The following TH variants were observed in gnomAD, a reference collection of about 807,000 sequenced individuals.
The protein encoded by TH is tyrosine 3-monooxygenase.
In TH, 49 loss-of-function variants were observed where a neutral mutation model predicts 57.4. The ratio of observed to expected loss-of-function variants is 0.85; its 90% CI spans 0.68 to 1.08. The LOEUF is 1.08. Among genes scored for constraint, TH ranks in the 50% least tolerant of loss-of-function variants. The pLI, the probability that TH is intolerant of heterozygous loss-of-function variation, is 0.00. For synonymous variants in TH, 330 were observed against 304.5 expected (o/e 1.08, Z -0.87); for missense variants, 720 against 696.7 (o/e 1.03, Z -0.38).
At position 2,166,548 on chromosome 11, in the gene TH, C is replaced by G; in HGVS notation, c.979G>C (p.Asp327His). The G allele has an allele frequency of 1.2e-6, 2 of 1,601,746 alleles. No homozygotes were observed. The highest frequency in any genetic ancestry group is 1.7e-6 in the Non-Finnish European group (2 of 1,176,380). ...ASSPMHSPEP[D>H]CCHELLGHVP... is the part of the protein sequence containing the mutation. ...TGCCCCAGCAGCTCGTGGCAGCAGT[C>G]CCTGCGCGTAGGAGGGAGAAGGGGG... is the stretch of plus-strand genomic sequence containing the variant. Residue 327 changes from aspartate to histidine, a missense_variant and splice_region_variant, in exon 9 of 13, where the codon GAC becomes CAC. Coordinates refer to ENST00000352909, the MANE Select transcript of TH (RefSeq NM_000360.4).
At position 2,164,360 on chromosome 11, in the gene TH, G is replaced by C. The variant is rs1846023607; in HGVS notation, c.1367C>G (p.Ser456Cys). 1 of 1,553,426 alleles carries C rather than the reference G, an allele frequency of 6.4e-7. No homozygotes were observed. The highest frequency in any genetic ancestry group is 8.7e-7 in the Non-Finnish European group (1 of 1,147,334). The change falls in exon 13 of 13, where the codon TCC becomes TGC. Residue 456 changes from serine to cysteine, a missense_variant. Ser to Cys is a moderately radical substitution (Grantham distance 112, BLOSUM62 -1). Transcript: ENST00000352909. ...SYASRIQRPF[S>C]VKFDPYTLAI... ...CAGCGTGTACGGGTCGAACTTCACGGAGAAGGGGCGCTGGATGCGTGAGGC... is the reference window on the plus strand; with the variant it reads ...CAGCGTGTACGGGTCGAACTTCACGCAGAAGGGGCGCTGGATGCGTGAGGC...
chr11:2,169,931 C>T (rs1846208535), intron 1 of TH, 60 bp from the exon 2 acceptor site: 2 of 1,514,804 alleles, frequency 1.3e-6, no homozygotes, highest in East Asian at 2.4e-5. Flanking sequence ...GACCTCCACC[C>T]ACAGCTGGTC....
Position 2,165,105 on chromosome 11 carries a change from A to G in TH, c.1334+127T>C, listed in dbSNP as rs2070762. On this transcript the variant is annotated intron_variant, in intron 12 of 12. Transcript: ENST00000352909. ...TCCCTGCTGTGTGGGGGCTGCTGCAACCAGGGGTCGGTTTTCTCATCTGTG... is the reference window on the plus strand; with the variant it reads ...TCCCTGCTGTGTGGGGGCTGCTGCAGCCAGGGGTCGGTTTTCTCATCTGTG... 0.49 allele frequency: 695,916 copies of G among 1,423,550 alleles called. 174,285 individuals are homozygous for G. Among genetic ancestry groups the G allele is most frequent in the Admixed American group, 0.63 (36,526 of 57,784 alleles). 88.2% of individuals were successfully genotyped at this position (1,423,550 alleles called of 1,614,324 possible).
In TH at chr11:2,167,066, C is replaced by T. The variant is rs747795715; in HGVS notation, c.696-34G>A. 7.0e-6 allele frequency: 11 copies of T among 1,560,872 alleles called. No homozygotes were observed. The East Asian group carries it at 9.6e-5, about 14-fold the overall frequency. On this transcript the variant is annotated intron_variant, in intron 6 of 12. Transcript: ENST00000352909. ...AGCCAGGCTCAGGGCCCTCTAATGC[C>T]CCACCCCAGTGCCCGAAACCCCCCT...
Position 2,164,366 on chromosome 11 carries a change from G to A in TH, c.1361C>T (p.Pro454Leu). 6.4e-7 allele frequency: 1 copy of A among 1,551,696 alleles called. No homozygotes were observed. The highest frequency in any genetic ancestry group is 8.7e-7 in the Non-Finnish European group (1 of 1,146,656). Residue 454 changes from proline to leucine, a missense_variant, in exon 13 of 13, where the codon CCC (proline) becomes CTC (leucine). Pro to Leu is a moderately conservative substitution (Grantham distance 98, BLOSUM62 -3). Coordinates refer to ENST00000352909, the MANE Select transcript of TH (RefSeq NM_000360.4). ...GTACGGGTCGAACTTCACGGAGAAGGGGCGCTGGATGCGTGAGGCATAGCT... is the reference window on the plus strand; with the variant it reads ...GTACGGGTCGAACTTCACGGAGAAGAGGCGCTGGATGCGTGAGGCATAGCT... ...LRSYASRIQR[P>L]FSVKFDPYTL... is the part of the protein sequence containing the mutation.
In TH at chr11:2,166,467, G is replaced by T; in HGVS notation, c.1047+13C>A. Reference sequence around the variant, plus strand: ...CCTGGGTGACCCCGGCTCCCTCCGAGGCCGCGGCGTACCTGCGAGAACTGC... The same window carrying T: ...CCTGGGTGACCCCGGCTCCCTCCGATGCCGCGGCGTACCTGCGAGAACTGC... On this transcript the variant is annotated intron_variant, in intron 9 of 12. Transcript: ENST00000352909. 2 of 1,570,012 alleles carry T rather than the reference G, an allele frequency of 1.3e-6. No homozygotes were observed. Among genetic ancestry groups the T allele is most frequent in the Non-Finnish European group, 1.7e-6 (2 of 1,166,176 alleles).
Position 2,169,985 on chromosome 11 carries a change from G to A in TH, c.91-114C>T. 1.9e-5 allele frequency: 22 copies of A among 1,143,026 alleles called. 1 individual carries two copies. In the South Asian group the frequency reaches 2.9e-4, roughly 15 times the overall value. The allele number at this position is 1,143,026 out of a possible 1,614,324, so 70.8% of individuals were successfully genotyped here. ...GATGGCACACAGAGGCAGGGGATGA[G>A]AGCACGTTTTTGAGCGCCTACTGTG... On this transcript the variant is annotated intron_variant, in intron 1 of 12. Transcript: ENST00000352909.
At chr11:2,165,890 G>C (rs1700052610) in intron 10 of TH, 112 bp downstream of exon 10, 1 of 1,493,482 alleles carries the variant, frequency 6.7e-7, no homozygotes, top group Non-Finnish European at 9.1e-7. Flanking sequence ...CAGGGTGAGG[G>C]TCACAATTCG....
intron 11 of TH, 102 bp downstream of exon 11, chr11:2,165,566 G>C: frequency 1.5e-6 from 2 of 1,363,524 alleles, no homozygotes; most frequent in Non-Finnish European, 2.1e-6. Flanking sequence ...GAGTCCTGGA[G>C]GTCCAGGCCT....
At position 2,165,285 on chromosome 11, in the gene TH, G is replaced by A; in HGVS notation, c.1281C>T (p.Tyr427=). The A allele has an allele frequency of 6.2e-7, 1 of 1,612,878 alleles. No homozygotes were observed. Among genetic ancestry groups the A allele is most frequent in the Non-Finnish European group, 8.5e-7 (1 of 1,180,006 alleles). ...TCTCAGACACGAAGTAGACTGACTG[G>A]TACGTCTGGTCTTGGTAGGGCTGCA... ...AAVQPYQDQT[Y]QSVYFVSESF... is the part of the protein sequence containing the mutation. Residue 427 remains tyrosine (Y), a synonymous_variant, in exon 12 of 13, where the codon TAC becomes TAT. Transcript: ENST00000352909.
At chr11:2,167,405 C>T in intron 6 of TH, 30 bp downstream of exon 6, 2 of 1,553,364 alleles carry the variant, frequency 1.3e-6, no homozygotes, top group South Asian at 1.2e-5. Flanking sequence ...CCGGGCTCCT[C>T]CCCAGCCCCT....
rs1339552126 is a variant in TH, at chr11:2,164,318, T to A, written c.1409A>T (p.Asp470Val). Reference sequence around the variant, plus strand: ...GGAGCGCCGCACGGCCTGGGGGCTGTCCAGCACGTCGATGGCCAGCGTGTA... The same window carrying A: ...GGAGCGCCGCACGGCCTGGGGGCTGACCAGCACGTCGATGGCCAGCGTGTA... ...DPYTLAIDVL[D>V]SPQAVRRSLE... Residue 470 changes from aspartate to valine, a missense_variant, in exon 13 of 13, where the codon GAC becomes GTC. Coordinates refer to ENST00000352909, the MANE Select transcript of TH (RefSeq NM_000360.4). 6.5e-7 allele frequency: 1 copy of A among 1,541,552 alleles called. No homozygotes were observed. The highest frequency in any genetic ancestry group is 1.2e-5 in the South Asian group (1 of 81,734).
chr11:2,167,753 G>T, intron 5 of TH, 113 bp downstream of exon 5: 1 of 1,307,348 alleles, frequency 7.6e-7, no homozygotes, highest in Non-Finnish European at 1.1e-6. Context: ...CTGGCAGGAG[G>T]CACTGATGCT....
rs1276611673 is a variant in TH, at chr11:2,165,372, G to A, written c.1201-7C>T. 1 of 1,608,338 alleles carries A rather than the reference G, an allele frequency of 6.2e-7. No homozygotes were observed. Among genetic ancestry groups the A allele is most frequent in the African/African-American group, 1.3e-5 (1 of 74,908 alleles). On this transcript the variant is annotated splice_region_variant and splice_polypyrimidine_tract_variant and intron_variant, in intron 11 of 12. Transcript: ENST00000352909. ...GCTCCTCAGACAGGCAGTGCTGGCA[G>A]GAGGCCAATGGCATCACTGACTCCA...
rs573129039 is a variant in TH at position 2,165,714 on chromosome 11, A to G, written c.1154T>C (p.Val385Ala). 3 of 1,612,308 alleles carry G rather than the reference A, an allele frequency of 1.9e-6. No homozygotes were observed. The highest frequency in any genetic ancestry group is 2.5e-6 in the Non-Finnish European group (3 of 1,179,856). The change falls in exon 11 of 13, where the codon GTG becomes GCG. Residue 385 changes from valine (V) to alanine (A), a missense_variant. Transcript: ENST00000352909. Reference protein sequence around the residue: ...EFGLCKQNGEVKAYGAGLLSS... With the variant: ...EFGLCKQNGEAKAYGAGLLSS... ...CAGCAGCCCGGCACCATAGGCCTTC[A>G]CCTCCCCGTTCTGCTTACACAGCCC...
Position 2,171,574 on chromosome 11 carries a change from C to A in TH, c.90+123G>T. 9.3e-7 allele frequency: 1 copy of A among 1,073,386 alleles called. No homozygotes were observed. Among genetic ancestry groups the A allele is most frequent in the East Asian group, 2.5e-5 (1 of 39,546 alleles). The allele number at this position is 1,073,386 out of a possible 1,614,324, so 66.5% of individuals were successfully genotyped here. On this transcript the variant is annotated intron_variant, in intron 1 of 12. Transcript: ENST00000352909. The surrounding 1 kb of genome is among the most constrained non-coding windows in gnomAD (Gnocchi z 8.6). ...CAGGCCTCCACATCCACGCCGCGTCCCAGGGGTTTGCATGGACCCTGAGCC... is the reference window on the plus strand; with the variant it reads ...CAGGCCTCCACATCCACGCCGCGTCACAGGGGTTTGCATGGACCCTGAGCC...
Position 2,166,464 on chromosome 11 carries a change from C to T in TH, c.1047+16G>A, listed in dbSNP as rs372706117. The T allele has an allele frequency of 1.8e-4, 281 of 1,565,824 alleles. 4 individuals carry two copies. The African/African-American group carries it at 3.1e-3, about 17-fold the overall frequency. ...GCCCCTGGGTGACCCCGGCTCCCTC[C>T]GAGGCCGCGGCGTACCTGCGAGAAC... On this transcript the variant is annotated intron_variant, in intron 9 of 12. Transcript: ENST00000352909.
chr11:2,166,808 G>A (rs1195124495), intron 7 of TH, 40 bp from the exon 8 acceptor site: 4 of 1,550,262 alleles, frequency 2.6e-6, no homozygotes, highest in Admixed American at 3.9e-5. Context: ...GCCGGGACGG[G>A]CTGGAGCCGC....
In TH at chr11:2,169,769, C is replaced by A; in HGVS notation, c.193G>T (p.Gly65Trp). The A allele has an allele frequency of 6.2e-7, 1 of 1,611,928 alleles. No homozygotes were observed. Among genetic ancestry groups the A allele is most frequent in the Non-Finnish European group, 8.5e-7 (1 of 1,179,568 alleles). Residue 65 changes from glycine to tryptophan, a missense_variant, in exon 2 of 13, where the codon GGG (glycine) becomes TGG (tryptophan). Coordinates refer to ENST00000352909, the MANE Select transcript of TH (RefSeq NM_000360.4). ...AAAAAVPSEP[G>W]DPLEAVAFEE... Reference sequence around the variant, plus strand: ...AAGGCCACAGCCTCCAGGGGGTCCCCGGGCTCCGAGGGGACTGCAGCGGCC... The same window carrying A: ...AAGGCCACAGCCTCCAGGGGGTCCCAGGGCTCCGAGGGGACTGCAGCGGCC...
Sources: gnomAD v4.1 joint callset for allele counts on GRCh38, gnomAD v4.1.1 for gene constraint, Gnocchi (gnomAD v3.1) non-coding constraint, MANE v1.5 for transcripts, NCBI Gene and HGNC (gene_info 2026-07-23, HGNC 2026-07-21) for gene names.